The following MATN2 variants were observed in gnomAD, a reference collection of about 807,000 sequenced individuals.
MATN2 encodes matrilin 2.
A neutral mutation model predicts 103.2 loss-of-function variants in MATN2; 69 were observed. The observed-to-expected ratio is 0.67, with a 90% confidence interval of 0.55 to 0.82. MATN2 has a LOEUF of 0.82. Ranked by LOEUF, MATN2 falls within the 40% of genes least tolerant of loss-of-function variation. The pLI, the probability that MATN2 is intolerant of heterozygous loss-of-function variation, is 0.00. For missense variants in MATN2, 1,023 were observed against 1,211.5 expected (o/e 0.84, Z 2.31); for synonymous variants, 429 against 450.2 (o/e 0.95, Z 0.60).
At chr8:98,031,979 C>CTACT (rs1320146146) in intron 15 of MATN2, 2 of 264,688 alleles carry the variant, frequency 7.6e-6, no homozygotes, top group African/African-American at 4.4e-5. Context: ...TTTTTCTGCC[C>CTACT]TACTTTCTAG....
chr8:97,943,880 G>A (rs971732593), intron 4 of MATN2, among the ~76,000 whole-genome samples: 9 of 152,184 alleles, frequency 5.9e-5, no homozygotes, highest in African/African-American at 2.2e-4. Context: ...GAGGAATTCT[G>A]ACACCAGCAA....
chr8:97,947,332 G>A (rs1318072149), intron 4 of MATN2, among the ~76,000 whole-genome samples: 1 of 152,122 alleles, frequency 6.6e-6, no homozygotes, highest in Non-Finnish European at 1.5e-5. Context: ...TTGCACCACT[G>A]CACTCCAGCA....
At chr8:98,019,885 A>T (rs1395329164) in intron 12 of MATN2, among the ~76,000 whole-genome samples, 1 of 152,210 alleles carries the variant, frequency 6.6e-6, no homozygotes, top group Non-Finnish European at 1.5e-5. Flanking sequence ...ATAACTGGGG[A>T]TATTCCACAA....
chr8:97,891,173 C>T (rs1349400089), intron 2 of MATN2, among the ~76,000 whole-genome samples: 1 of 152,054 alleles, frequency 6.6e-6, no homozygotes, highest in Non-Finnish European at 1.5e-5. Context: ...AAGAGACAGG[C>T]ATGTGAAAAG....
At chr8:97,946,763 T>C (rs922366454) in intron 4 of MATN2, among the ~76,000 whole-genome samples, 18 of 152,212 alleles carry the variant, frequency 1.2e-4, no homozygotes, top group African/African-American at 3.6e-4. Flanking sequence ...TTTTTTCTTC[T>C]CTCAAGAACG....
intron 4 of MATN2, among the ~76,000 whole-genome samples, chr8:97,943,230 C>A (rs571382335): frequency 1.3e-5 from 2 of 152,062 alleles, no homozygotes; most frequent in African/African-American, 2.4e-5. Flanking sequence ...TTAGACACCC[C>A]CCTCTAGACA....
chr8:98,033,798 G>T, intron 18 of MATN2, 139 bp downstream of exon 18: 1 of 641,118 alleles, frequency 1.6e-6, no homozygotes, highest in Non-Finnish European at 2.6e-6. Flanking sequence ...AAGGCTTTTT[G>T]CTTTAAAAAG....
At chr8:97,923,565 C>CTT (rs33946673) in intron 2 of MATN2, among the ~76,000 whole-genome samples, 38 of 150,986 alleles carry the variant, frequency 2.5e-4, no homozygotes, top group Non-Finnish European at 4.4e-4. Context: ...CTCTGTCTCT[C>CTT]TTTTTTTTGA....
intron 2 of MATN2, among the ~76,000 whole-genome samples, chr8:97,908,801 G>T (rs1344136929): frequency 1.3e-5 from 2 of 152,080 alleles, no homozygotes; most frequent in Non-Finnish European, 2.9e-5. Context: ...GGCTAATTTT[G>T]TGTTTTTAGT....
chr8:97,969,325 A>T (rs1811583726), intron 5 of MATN2, among the ~76,000 whole-genome samples: 1 of 152,250 alleles, frequency 6.6e-6, no homozygotes, highest in Non-Finnish European at 1.5e-5. Flanking sequence ...ATCACTAAGC[A>T]CATATCTTTA....
chr8:98,020,126 T>C (rs1277212599), intron 12 of MATN2, among the ~76,000 whole-genome samples: 1 of 152,172 alleles, frequency 6.6e-6, no homozygotes, highest in African/African-American at 2.4e-5. Flanking sequence ...CTGTCTGCAC[T>C]GCTTGTTCAT....
chr8:98,030,632 G>A lies in MATN2; in HGVS notation c.2509+18G>A, dbSNP rs375168631. The A allele has an allele frequency of 3.4e-4, 547 of 1,603,964 alleles. No individual in the cohort carries two copies. In the African/African-American group the frequency reaches 5.7e-3, roughly 17 times the overall value. ...CTGTGAAGGTACTATAGCTTACGCC[G>A]AAGACCTTAGCAAACAAGGCAGCAT... On this transcript the variant is annotated intron_variant, in intron 15 of 18. Transcript: ENST00000254898.
chr8:98,002,886 T>C (rs1259588601), intron 7 of MATN2, among the ~76,000 whole-genome samples: 1 of 152,014 alleles, frequency 6.6e-6, no homozygotes, highest in East Asian at 1.9e-4. Flanking sequence ...TCCACCAACA[T>C]TCTCACCTCT....
intron 3 of MATN2, among the ~76,000 whole-genome samples, chr8:97,934,727 T>A (rs1184964525): frequency 1.3e-5 from 2 of 152,164 alleles, no homozygotes; most frequent in Non-Finnish European, 2.9e-5. Flanking sequence ...CATTACTGAA[T>A]CCACATGTTG....
chr8:97,948,797 C>A (rs568802341), intron 4 of MATN2, among the ~76,000 whole-genome samples: 57 of 152,220 alleles, frequency 3.7e-4, no homozygotes, highest in African/African-American at 1.3e-3. Context: ...ATCTTGATGA[C>A]CTCAGGTTGG....
In MATN2 at chr8:98,007,148, G is replaced by A. The variant is rs1448884523; in HGVS notation, c.1371G>A (p.Leu457=). The change falls in exon 9 of 19, where the codon CTG becomes CTA. Residue 457 remains leucine (L), a synonymous_variant. Coordinates refer to ENST00000254898, the MANE Select transcript of MATN2 (RefSeq NM_002380.5). The surrounding 1 kb of genome is among the most constrained non-coding windows in gnomAD (Gnocchi z 4.2). Reference sequence around the variant, plus strand: ...AGCAGGACCATGGCTGTGAGCAGCTGTGTCTGAACACGGAGGATTCCTTCG... The same window carrying A: ...AGCAGGACCATGGCTGTGAGCAGCTATGTCTGAACACGGAGGATTCCTTCG... ...CAQQDHGCEQ[L]CLNTEDSFVC... is the part of the protein sequence containing the mutation. 6.2e-7 allele frequency: 1 copy of A among 1,613,364 alleles called. No homozygotes were observed. The highest frequency in any genetic ancestry group is 1.7e-5 in the Admixed American group (1 of 59,920).
chr8:98,033,864 A>G, intron 18 of MATN2: 1 of 555,572 alleles, frequency 1.8e-6, no homozygotes, highest in East Asian at 2.9e-5. Context: ...GCAGCAGTCA[A>G]GCACTTAGTT....
At chr8:98,030,256 C>T (rs999305757) in intron 14 of MATN2, among the ~76,000 whole-genome samples, 1 of 152,134 alleles carries the variant, frequency 6.6e-6, no homozygotes, top group Non-Finnish European at 1.5e-5. Context: ...CCAGCGTCTC[C>T]CAGATGCCTC....
chr8:97,896,596 A>T (rs1437681533), intron 2 of MATN2, among the ~76,000 whole-genome samples: 1 of 146,708 alleles, frequency 6.8e-6, no homozygotes, highest in African/African-American at 2.6e-5. Flanking sequence ...AGGCAGTGGG[A>T]TCAGATAATG....
Sources: allele counts gnomAD v4.1 joint callset (sites outside exome capture counted in the v4.1 genomes callset), GRCh38; gene constraint gnomAD v4.1.1; non-coding constraint Gnocchi (gnomAD v3.1); transcripts MANE v1.5; gene names NCBI Gene and HGNC (gene_info 2026-07-23, HGNC 2026-07-21).